RANBP17: variants seen among roughly 807,000 people sequenced by gnomAD.
The protein encoded by RANBP17 is RAN binding protein 17.
Under a neutral mutation model 141.2 loss-of-function variants are expected in RANBP17, and 158 were observed. The ratio of observed to expected loss-of-function variants is 1.12; its 90% CI spans 0.98 to 1.28. The LOEUF (loss-of-function observed/expected upper bound fraction) is 1.28. Ranked by LOEUF, RANBP17 falls within the 50% of genes most tolerant of loss-of-function variation. The pLI is 0.00. For missense variants in RANBP17, 1,438 were observed against 1,290.7 expected, an observed-to-expected ratio of 1.11 and a Z score of -1.75; for synonymous variants, 430 against 450.0, an observed-to-expected ratio of 0.96 and a Z score of 0.56.
intron 14 of RANBP17, among the ~76,000 whole-genome samples, chr5:170,989,875 T>A (rs942789019): frequency 4.0e-5 from 6 of 151,894 alleles, no homozygotes; most frequent in South Asian, 4.2e-4. Context: ...ATTACAAAGA[T>A]GTAAAACAAA....
chr5:171,101,346 A>G (rs1387629593), intron 14 of RANBP17, among the ~76,000 whole-genome samples: 1 of 152,172 alleles, frequency 6.6e-6, no homozygotes. Context: ...CTTTATTATT[A>G]TGTGATGCAC....
chr5:171,058,355 C>G (rs1329122296), intron 14 of RANBP17, among the ~76,000 whole-genome samples: 1 of 132,456 alleles, frequency 7.5e-6, no homozygotes, highest in Non-Finnish European at 1.6e-5. Context: ...TGTTCCTCTT[C>G]CTGTGTCCAT....
chr5:171,068,951 C>T (rs905664002), intron 14 of RANBP17, among the ~76,000 whole-genome samples: 2 of 152,234 alleles, frequency 1.3e-5, no homozygotes, highest in Admixed American at 1.3e-4. Flanking sequence ...ACTATTTTTG[C>T]GAAAACTATC....
At chr5:170,998,139 A>G (rs552998951) in intron 14 of RANBP17, among the ~76,000 whole-genome samples, 1 of 151,982 alleles carries the variant, frequency 6.6e-6, no homozygotes, top group East Asian at 1.9e-4. Flanking sequence ...ACTTGATTAT[A>G]TAGATGAAAG....
intron 14 of RANBP17, among the ~76,000 whole-genome samples, chr5:171,105,723 G>GAAA (rs34497482): frequency 6.7e-6 from 1 of 148,820 alleles, no homozygotes; most frequent in Non-Finnish European, 1.5e-5. Flanking sequence ...GTCTCAAAAA[G>GAAA]AAAAAAAAAA....
rs115556627 is a variant in RANBP17, at chr5:171,001,357, G to A, written c.1710+32980G>A. ...CCGAATAAAAGAAGGAGAAAAATAG[G>A]TGTTAAAGGACTAAGAATTGGGAGT... On this transcript the variant is annotated intron_variant, in intron 14 of 27. Transcript: ENST00000523189. Among the ~76,000 whole-genome samples the A allele has an allele frequency of 1.9e-3, 288 of 152,264 alleles. 1 individual carries two copies. The highest frequency in any genetic ancestry group is 6.1e-3 in the African/African-American group (255 of 41,544).
At chr5:170,968,772 A>G (rs1309693739) in intron 14 of RANBP17, 1 of 453,270 alleles carries the variant, frequency 2.2e-6, no homozygotes, top group African/African-American at 2.0e-5. Context: ...TGGCATTTGT[A>G]CATGATTAAA....
chr5:170,915,717 T>A (rs1352238359), intron 8 of RANBP17, among the ~76,000 whole-genome samples: 1 of 152,092 alleles, frequency 6.6e-6, no homozygotes, highest in African/African-American at 2.4e-5. Flanking sequence ...CAATTAAATT[T>A]GGAATATGCT....
chr5:170,982,629 G>A (rs1777853773), intron 14 of RANBP17, among the ~76,000 whole-genome samples: 2 of 152,110 alleles, frequency 1.3e-5, no homozygotes, highest in Admixed American at 6.6e-5. Context: ...AGAGAATCCA[G>A]GAGGTCCAAC....
chr5:171,004,513 G>A (rs1379519358), intron 14 of RANBP17, among the ~76,000 whole-genome samples: 1 of 152,140 alleles, frequency 6.6e-6, no homozygotes, highest in Non-Finnish European at 1.5e-5. Context: ...ACAGGCCCTT[G>A]AAAAGAAGGT....
chr5:171,244,286 G>A (rs1196136114), intron 24 of RANBP17, among the ~76,000 whole-genome samples: 5 of 151,260 alleles, frequency 3.3e-5, no homozygotes, highest in South Asian at 2.1e-4. Context: ...CCAGCTACTC[G>A]GGAGGCCAAG....
intron 14 of RANBP17, among the ~76,000 whole-genome samples, chr5:171,072,806 T>C (rs1194521972): frequency 1.2e-4 from 18 of 152,186 alleles, no homozygotes; most frequent in Admixed American, 1.2e-3. Flanking sequence ...TTATAGCAGC[T>C]TTATTTATAA....
At chr5:171,183,124 G>C (rs370210576) in intron 16 of RANBP17, 43 bp from the exon 17 acceptor site, 68 of 1,028,352 alleles carry the variant, frequency 6.6e-5, no homozygotes, top group Middle Eastern at 2.5e-4. Flanking sequence ...ATTACATACT[G>C]ATATTACAAA....
intron 14 of RANBP17, among the ~76,000 whole-genome samples, chr5:171,086,416 T>C (rs1785658407): frequency 6.6e-6 from 1 of 151,900 alleles, no homozygotes; most frequent in African/African-American, 2.4e-5. Context: ...GATATTGGTC[T>C]AAAATTCTCT....
intron 12 of RANBP17, among the ~76,000 whole-genome samples, chr5:170,950,995 A>G (rs1758580833): frequency 6.6e-6 from 1 of 152,086 alleles, no homozygotes; most frequent in Non-Finnish European, 1.5e-5. Context: ...GTGTTCTTAT[A>G]CATATGTGGG....
chr5:170,956,017 T>C (rs976083127), intron 13 of RANBP17, among the ~76,000 whole-genome samples: 2 of 151,466 alleles, frequency 1.3e-5, no homozygotes, highest in African/African-American at 4.8e-5. Context: ...TTAATGAAAA[T>C]ATCCACCTGT....
At chr5:171,087,213 C>T (rs28785856) in intron 14 of RANBP17, among the ~76,000 whole-genome samples, 103,516 of 146,518 alleles carry the variant, frequency 0.71, 36,521 homozygotes, top group South Asian at 0.9. Context: ...GCCTTCATTT[C>T]GTTATGTACC....
intron 14 of RANBP17, among the ~76,000 whole-genome samples, chr5:171,022,898 A>AG (rs934003878): frequency 6.6e-6 from 1 of 152,214 alleles, no homozygotes; most frequent in African/African-American, 2.4e-5. Context: ...TTGGGATGCT[A>AG]GCCCCAGTGG....
intron 27 of RANBP17, among the ~76,000 whole-genome samples, chr5:171,297,447 C>T (rs1768886767): frequency 6.6e-6 from 1 of 152,206 alleles, no homozygotes; most frequent in Admixed American, 6.5e-5. Flanking sequence ...AATGCTGCTC[C>T]ATTTGAAATG....
Sources: allele counts gnomAD v4.1 joint callset (sites outside exome capture counted in the v4.1 genomes callset), GRCh38; gene constraint gnomAD v4.1.1; transcripts MANE v1.5; gene names NCBI Gene and HGNC (gene_info 2026-07-23, HGNC 2026-07-21).